Variants in ITGBL1 observed in about 807,000 individuals in gnomAD.
ITGBL1 encodes the protein integrin beta-like protein 1.
A neutral mutation model predicts 68.5 loss-of-function variants in ITGBL1; 51 were observed. The ratio of observed to expected loss-of-function variants is 0.74; its 90% confidence interval spans 0.59 to 0.94. The LOEUF (loss-of-function observed/expected upper bound fraction) is 0.94, where lower values mean the gene tolerates loss of function less well. Ranked by LOEUF, ITGBL1 falls within the 40% of genes least tolerant of loss-of-function variation. ITGBL1 has a pLI of 0.00. For missense variants in ITGBL1, 649 were observed against 647.4 expected, an observed-to-expected ratio of 1.00 and a Z score of -0.03; for synonymous variants, 209 against 227.3, an observed-to-expected ratio of 0.92 and a Z score of 0.72.
intron 7 of ITGBL1, among the ~76,000 whole-genome samples, chr13:101,641,809 G>T (rs1487381394): frequency 6.8e-6 from 1 of 147,876 alleles, no homozygotes; most frequent in Admixed American, 6.7e-5. Context: ...GAGAATATGC[G>T]GTGGTTGGTT....
At chr13:101,576,718 T>C (rs1453036975) in intron 4 of ITGBL1, among the ~76,000 whole-genome samples, 1 of 152,134 alleles carries the variant, frequency 6.6e-6, no homozygotes, top group Admixed American at 6.6e-5. Flanking sequence ...TACACTTATT[T>C]TAGGCCTGAT....
At chr13:101,552,052 T>C (rs1444018774) in intron 2 of ITGBL1, among the ~76,000 whole-genome samples, 2 of 152,140 alleles carry the variant, frequency 1.3e-5, no homozygotes, top group African/African-American at 4.8e-5. Flanking sequence ...TTCCTCAATC[T>C]CCAAGCTCCT....
intron 2 of ITGBL1, 38 bp downstream of exon 2, chr13:101,454,138 A>C: frequency 6.9e-7 from 1 of 1,447,838 alleles, no homozygotes; most frequent in Non-Finnish European, 9.3e-7. Context: ...CGGGAGGTCG[A>C]AACTCCTCTT....
chr13:101,522,421 T>C (rs190752779), intron 2 of ITGBL1, among the ~76,000 whole-genome samples: 1 of 152,308 alleles, frequency 6.6e-6, no homozygotes, highest in Admixed American at 6.5e-5. Context: ...ATGATTTCTG[T>C]TATTCTTAAC....
chr13:101,678,922 T>A (rs2033572913), intron 7 of ITGBL1, among the ~76,000 whole-genome samples: 1 of 151,870 alleles, frequency 6.6e-6, no homozygotes, highest in African/African-American at 2.4e-5. Flanking sequence ...TTTAATTTTT[T>A]TTTTTATTTT....
chr13:101,704,090 C>A (rs1296676254), intron 8 of ITGBL1, among the ~76,000 whole-genome samples: 1 of 151,042 alleles, frequency 6.6e-6, no homozygotes, highest in Non-Finnish European at 1.5e-5. Context: ...TAAATGCCTG[C>A]AGTGCCAGCT....
chr13:101,704,484 T>TTAAAA lies in ITGBL1; in HGVS notation c.1133-2272_1133-2271insTAAAA, dbSNP rs66763843. ...TGAATACCTGCACTTATTCATTCAG[T>TTAAAA]AAAAAAAAAAAAAAAAAAAGTAGAA... On this transcript the variant is annotated intron_variant, in intron 8 of 10. Transcript: ENST00000376180. Among the ~76,000 whole-genome samples, 16 of 105,350 alleles carry TTAAAA rather than the reference T, an allele frequency of 1.5e-4. No homozygotes were observed. In the South Asian group the frequency reaches 4.7e-3, roughly 31 times the overall value. The allele number at this position is 105,350 out of a possible 152,430, so 69.1% of individuals were successfully genotyped here. A position where few individuals can be genotyped will look rare whatever the true frequency, so the allele number is the denominator to read the frequency against.
At chr13:101,594,928 G>T (rs564849136) in intron 6 of ITGBL1, among the ~76,000 whole-genome samples, 11 of 152,220 alleles carry the variant, frequency 7.2e-5, no homozygotes, top group South Asian at 4.1e-4. Context: ...ACAAAAATTA[G>T]CCGGGCGTGT....
At chr13:101,662,017 G>A (rs72659172) in intron 7 of ITGBL1, among the ~76,000 whole-genome samples, 25,063 of 152,098 alleles carry the variant, frequency 0.16, 2,680 homozygotes, top group Admixed American at 0.26. Flanking sequence ...CTCCAACATC[G>A]CTTTTTATGT....
intron 7 of ITGBL1, among the ~76,000 whole-genome samples, chr13:101,662,973 A>C (rs1004780949): frequency 2.0e-5 from 3 of 152,198 alleles, no homozygotes; most frequent in Admixed American, 1.3e-4. Context: ...TGCCCCAGTA[A>C]ATTCCATTAT....
chr13:101,596,296 G>C (rs1174451402), intron 6 of ITGBL1, among the ~76,000 whole-genome samples: 1 of 152,134 alleles, frequency 6.6e-6, no homozygotes, highest in Non-Finnish European at 1.5e-5. Context: ...AGGAGAAATG[G>C]GGAGACTTTG....
intron 7 of ITGBL1, among the ~76,000 whole-genome samples, chr13:101,690,312 CT>C (rs1293016447): frequency 3.9e-5 from 6 of 152,150 alleles, no homozygotes; most frequent in African/African-American, 1.4e-4. Flanking sequence ...TTTAGTTCAT[CT>C]TTTCTGAAGA....
intron 7 of ITGBL1, among the ~76,000 whole-genome samples, chr13:101,600,441 C>A (rs1019264735): frequency 6.6e-6 from 1 of 152,168 alleles, no homozygotes; most frequent in Non-Finnish European, 1.5e-5. Flanking sequence ...CCTTCTCCTG[C>A]CTGATTGCCC....
chr13:101,500,809 T>G (rs189782975), intron 2 of ITGBL1, among the ~76,000 whole-genome samples: 3 of 152,288 alleles, frequency 2.0e-5, no homozygotes, highest in Admixed American at 2.0e-4. Context: ...AAGTCCTTTG[T>G]GAGGCTTGAG....
intron 2 of ITGBL1, among the ~76,000 whole-genome samples, chr13:101,458,814 GTT>G (rs2048280004): frequency 6.6e-6 from 1 of 152,084 alleles, no homozygotes; most frequent in Non-Finnish European, 1.5e-5. Context: ...TTTCTGAATA[GTT>G]TTAATCTGCC....
chr13:101,544,789 A>G (rs570725480), intron 2 of ITGBL1, among the ~76,000 whole-genome samples: 1 of 152,126 alleles, frequency 6.6e-6, no homozygotes, highest in African/African-American at 2.4e-5. Context: ...GCTGCCTTGC[A>G]GTTTGATCTC....
At chr13:101,564,202 G>A (rs2050144730) in intron 2 of ITGBL1, among the ~76,000 whole-genome samples, 1 of 151,832 alleles carries the variant, frequency 6.6e-6, no homozygotes, top group African/African-American at 2.4e-5. Context: ...TTTTTAAAAA[G>A]AACAAAGTTG....
chr13:101,536,422 A>C (rs947554264), intron 2 of ITGBL1, among the ~76,000 whole-genome samples: 2 of 152,080 alleles, frequency 1.3e-5, no homozygotes, highest in African/African-American at 4.8e-5. Context: ...AAAATAAATA[A>C]CCATGAGGGC....
intron 2 of ITGBL1, among the ~76,000 whole-genome samples, chr13:101,525,250 A>G (rs2049354254): frequency 6.6e-6 from 1 of 152,110 alleles, no homozygotes; most frequent in African/African-American, 2.4e-5. Flanking sequence ...TATGTAATTT[A>G]TGTCCTGATT....
Sources: allele counts gnomAD v4.1 joint callset (sites outside exome capture counted in the v4.1 genomes callset), GRCh38; gene constraint gnomAD v4.1.1; transcripts MANE v1.5; gene names NCBI Gene and HGNC (gene_info 2026-07-23, HGNC 2026-07-21).